ADCYAP1R1: variants seen among roughly 807,000 people sequenced by gnomAD.
The protein encoded by ADCYAP1R1 is pituitary adenylate cyclase-activating polypeptide type I receptor.
In ADCYAP1R1, 44 loss-of-function variants were observed where a neutral mutation model predicts 67.6. That is an observed-to-expected ratio of 0.65 (90% CI 0.51 to 0.84). The LOEUF (loss-of-function observed/expected upper bound fraction) is 0.84. ADCYAP1R1 is among the 40% of genes least tolerant of loss of function. The pLI is 0.00. For synonymous variants in ADCYAP1R1, 222 were observed against 219.6 expected (o/e 1.01, Z -0.10); for missense variants, 477 against 587.9 (o/e 0.81, Z 1.95).
At chr7:31,077,645 G>C (rs1041660927) in intron 3 of ADCYAP1R1, among the ~76,000 whole-genome samples, 3 of 147,198 alleles carry the variant, frequency 2.0e-5, no homozygotes, top group Non-Finnish European at 3.0e-5. Flanking sequence ...TATGTGTGTG[G>C]TGTGTGTGAT....
rs1796672510 is a variant in ADCYAP1R1, at chr7:31,106,898, AC to A, written c.*218del. On this transcript the variant is annotated 3_prime_UTR_variant, in exon 16 of 16. Transcript: ENST00000304166. ...ACCCACTGTGGTCCCCTGGGCCCTG[AC>A]CCCAGACATGTAAATACTCCTCAAA... The A allele has an allele frequency of 5.3e-6, 3 of 568,344 alleles. No individual in the cohort carries two copies. The highest frequency in any genetic ancestry group is 3.6e-5 in the Admixed American group (1 of 27,626). 35.2% of individuals were successfully genotyped at this position (568,344 alleles called of 1,614,324 possible).
At chr7:31,100,319 C>G (rs982544896) in intron 13 of ADCYAP1R1, 1 of 1,085,194 alleles carries the variant, frequency 9.2e-7, no homozygotes, top group Admixed American at 2.0e-5. Context: ...TGCCTCCCAG[C>G]CCCAACCCAT....
rs771742009 is a variant in ADCYAP1R1, at chr7:31,084,265, C to T, written c.438+15C>T. On this transcript the variant is annotated intron_variant, in intron 7 of 15. Coordinates refer to ENST00000304166, the MANE Select transcript of ADCYAP1R1 (RefSeq NM_001118.5). ...CTGGGGACCAGGTGAGTGTCTGCAC[C>T]CTGCTCCCCAGAGGTGGTGAGGGTA... The T allele has an allele frequency of 2.5e-6, 4 of 1,607,754 alleles. No homozygotes were observed. In the South Asian group the frequency reaches 4.4e-5, roughly 18 times the overall value.
chr7:31,065,490 A>G (rs1794697938), intron 3 of ADCYAP1R1, among the ~76,000 whole-genome samples: 1 of 152,200 alleles, frequency 6.6e-6, no homozygotes, highest in Non-Finnish European at 1.5e-5. Flanking sequence ...ATTGCAGGAC[A>G]TTGAGCGTTC....
At chr7:31,071,721 C>G (rs1258995744) in intron 3 of ADCYAP1R1, among the ~76,000 whole-genome samples, 2 of 152,120 alleles carry the variant, frequency 1.3e-5, no homozygotes, top group African/African-American at 2.4e-5. Flanking sequence ...CTAGAAAAAC[C>G]ATCCATGTCC....
At chr7:31,096,500 C>G (rs75990156) in intron 13 of ADCYAP1R1, among the ~76,000 whole-genome samples, 7,211 of 152,240 alleles carry the variant, frequency 0.047, 245 homozygotes, top group Non-Finnish European at 0.07. Context: ...ACTAGTTACC[C>G]TCATGTTGCA....
intron 12 of ADCYAP1R1, among the ~76,000 whole-genome samples, chr7:31,092,202 C>T (rs1050591974): frequency 9.3e-5 from 14 of 150,126 alleles, no homozygotes; most frequent in African/African-American, 3.4e-4. Context: ...CTACTATTAC[C>T]ACTCCCAGGC....
rs1795754160 is a variant in ADCYAP1R1, at chr7:31,086,627, G to A, written c.823+90G>A. On this transcript the variant is annotated intron_variant, in intron 10 of 15. Coordinates refer to ENST00000304166, the MANE Select transcript of ADCYAP1R1 (RefSeq NM_001118.5). The surrounding 1 kb of genome is among the most constrained non-coding windows in gnomAD (Gnocchi z 5.0). ...TTGGTTCCATCTTCAGGAAGTGTCA[G>A]GTGAGGAGGGGCCACTGCCCTGCCC... 2.7e-6 allele frequency: 4 copies of A among 1,487,728 alleles called. No individual in the cohort carries two copies. The Admixed American group carries it at 5.5e-5, about 20-fold the overall frequency. 92.2% of individuals were successfully genotyped at this position (1,487,728 alleles called of 1,614,324 possible).
At chr7:31,067,965 A>G (rs375155229) in intron 3 of ADCYAP1R1, among the ~76,000 whole-genome samples, 5 of 152,174 alleles carry the variant, frequency 3.3e-5, no homozygotes, top group African/African-American at 1.2e-4. Flanking sequence ...AGACATCTCT[A>G]GGAAGCAGGT....
chr7:31,075,886 G>T lies in ADCYAP1R1; in HGVS notation c.158-2105G>T, dbSNP rs191319266. 3.9e-5 allele frequency among the ~76,000 whole-genome samples: 6 copies of T among 152,284 alleles called. 1 individual carries two copies. The East Asian group carries it at 1.2e-3, about 29-fold the overall frequency. On this transcript the variant is annotated intron_variant, in intron 3 of 15. Transcript: ENST00000304166. ...AGAGAGTGGGGCATGGATTTCACAA[G>T]GTTTCAAGGTAAAACCAGCAAGGGC...
In ADCYAP1R1 at chr7:31,106,714, A is replaced by G. The variant is rs1201944144; in HGVS notation, c.*30A>G. On this transcript the variant is annotated 3_prime_UTR_variant, in exon 16 of 16. Coordinates refer to ENST00000304166, the MANE Select transcript of ADCYAP1R1 (RefSeq NM_001118.5). Reference sequence around the variant, plus strand: ...TGCTCCCCTCCTCCTCCTCTCCTCCATCCACAGGCTGGGACCGCAGGCAGG... The same window carrying G: ...TGCTCCCCTCCTCCTCCTCTCCTCCGTCCACAGGCTGGGACCGCAGGCAGG... The G allele has an allele frequency of 3.2e-6, 5 of 1,569,842 alleles. No homozygotes were observed. Among genetic ancestry groups the G allele is most frequent in the African/African-American group, 1.4e-5 (1 of 73,712 alleles).
chr7:31,100,094 A>G (rs1238794215), intron 13 of ADCYAP1R1: 1 of 1,545,818 alleles, frequency 6.5e-7, no homozygotes, highest in Non-Finnish European at 8.7e-7. Context: ...GGTGCCCCCC[A>G]GCTGACAGAA....
chr7:31,100,091 C>G (rs1317812784), intron 13 of ADCYAP1R1: 13 of 1,544,834 alleles, frequency 8.4e-6, no homozygotes, highest in Admixed American at 3.9e-5. Context: ...CCTGGTGCCC[C>G]CCAGCTGACA....
chr7:31,106,874 C>T lies in ADCYAP1R1; in HGVS notation c.*190C>T, dbSNP rs148414028. 1,215 of 680,560 alleles carry T rather than the reference C, an allele frequency of 1.8e-3. 5 individuals carry two copies. Among genetic ancestry groups the T allele is most frequent in the Middle Eastern group, 3.8e-3 (9 of 2,398 alleles). The allele number at this position is 680,560 out of a possible 1,614,324, so 42.2% of individuals were successfully genotyped here. ...CCTCCTTGTTTTGGTACTGGTCCCA[C>T]CCACTGTGGTCCCCTGGGCCCTGAC... On this transcript the variant is annotated 3_prime_UTR_variant, in exon 16 of 16. Transcript: ENST00000304166.
At chr7:31,073,684 C>T (rs1795083740) in intron 3 of ADCYAP1R1, among the ~76,000 whole-genome samples, 2 of 152,118 alleles carry the variant, frequency 1.3e-5, no homozygotes, top group South Asian at 4.1e-4. Context: ...CCCATCTGTG[C>T]TAGGCTGGGA....
At chr7:31,085,509 C>T (rs1795706185) in intron 9 of ADCYAP1R1, 67 bp downstream of exon 9, 1 of 1,531,796 alleles carries the variant, frequency 6.5e-7, no homozygotes, top group Non-Finnish European at 8.8e-7. Context: ...CTTGGTTCCC[C>T]AGGACGCACA....
chr7:31,099,793 C>G (rs1796358527), intron 13 of ADCYAP1R1, among the ~76,000 whole-genome samples: 1 of 152,220 alleles, frequency 6.6e-6, no homozygotes, highest in Non-Finnish European at 1.5e-5. Flanking sequence ...GGAGCCAACT[C>G]TGGAGGCAGC....
At chr7:31,104,432 G>T (rs978983100) in intron 14 of ADCYAP1R1, among the ~76,000 whole-genome samples, 2 of 152,188 alleles carry the variant, frequency 1.3e-5, no homozygotes, top group African/African-American at 4.8e-5. Context: ...ATAGTATCTG[G>T]CCCAAGGAGG....
chr7:31,098,552 G>T (rs567389044), intron 13 of ADCYAP1R1, among the ~76,000 whole-genome samples: 35 of 152,282 alleles, frequency 2.3e-4, no homozygotes, highest in South Asian at 1.7e-3. Flanking sequence ...TCTGGGGACT[G>T]CAGTCTGAGT....
Sources: gnomAD v4.1 joint callset for allele counts (sites outside exome capture counted in the v4.1 genomes callset) on GRCh38, gnomAD v4.1.1 for gene constraint, Gnocchi (gnomAD v3.1) non-coding constraint, MANE v1.5 for transcripts, NCBI Gene and HGNC (gene_info 2026-07-23, HGNC 2026-07-21) for gene names.